H3-3A: variants seen among roughly 807,000 people sequenced by gnomAD.
H3-3A encodes H3.3 histone A.
For missense variants in H3-3A, 7 were observed against 184.0 expected (o/e 0.04, Z 5.57); for synonymous variants, 49 against 61.4 (o/e 0.80, Z 0.95).
Position 226,071,567 on chromosome 1 carries a change from A to G in H3-3A, c.*88A>G. The G allele has an allele frequency of 3.4e-6, 2 of 588,798 alleles. No homozygotes were observed. The highest frequency in any genetic ancestry group is 2.9e-6 in the Non-Finnish European group (1 of 347,864). The allele number at this position is 588,798 out of a possible 1,614,324, so 36.5% of individuals were successfully genotyped here. On this transcript the variant is annotated 3_prime_UTR_variant, in exon 4 of 4. Coordinates refer to ENST00000366815, the MANE Select transcript of H3-3A (RefSeq NM_002107.7). ...TGTTATTGGTAGTTCTGAACGTTAG[A>G]TATTTTTTTTCCATGGGGTCAAAAG...
At chr1:226,065,307 G>A (rs1304921705) in intron 2 of H3-3A, among the ~76,000 whole-genome samples, 1 of 152,090 alleles carries the variant, frequency 6.6e-6, no homozygotes, top group East Asian at 1.9e-4. Context: ...GAGGGTGTAG[G>A]GAAGGAGAGT....
At chr1:226,066,079 ATATT>A in intron 3 of H3-3A, 1 of 491,642 alleles carries the variant, frequency 2.0e-6, no homozygotes, top group South Asian at 4.0e-5. Context: ...ACTAAAAACA[ATATT>A]TAAAGAAAAT....
chr1:226,066,166 C>T, intron 3 of H3-3A: 1 of 352,310 alleles, frequency 2.8e-6, no homozygotes, highest in Non-Finnish European at 5.1e-6. Flanking sequence ...TTTGTAGTAA[C>T]AATTTCAAAC....
At chr1:226,064,552 A>G in intron 2 of H3-3A, 73 bp downstream of exon 2, 2 of 1,300,056 alleles carry the variant, frequency 1.5e-6, no homozygotes, top group Non-Finnish European at 2.1e-6. Flanking sequence ...AAAAAGATGG[A>G]TAACAGGAAA....
In H3-3A at chr1:226,071,079, C is replaced by A. The variant is rs186193442; in HGVS notation, c.283-272C>A. On this transcript the variant is annotated intron_variant, in intron 3 of 3. Transcript: ENST00000366815. ...TTCAGTTTATTAGAAATCATGTTAC[C>A]ATTAGAAAAATTGAAGTTTCCTAGT... is the stretch of plus-strand genomic sequence containing the variant. 6.1e-4 allele frequency among the ~76,000 whole-genome samples: 93 copies of A among 152,140 alleles called. 1 individual carries two copies. Among genetic ancestry groups the A allele is most frequent in the African/African-American group, 2.2e-3 (91 of 41,500 alleles).
At chr1:226,066,675 C>G (rs1329128546) in intron 3 of H3-3A, 1 of 152,222 alleles carries the variant, frequency 6.6e-6, no homozygotes, top group African/African-American at 2.4e-5. Context: ...GCTACCACCT[C>G]CATCAGAAGC....
upstream of H3-3A, chr1:226,062,139 C>G (rs1462632821): frequency 6.6e-6 from 1 of 152,038 alleles, no homozygotes; most frequent in African/African-American, 2.4e-5. Flanking sequence ...TTGCCAGCTT[C>G]CTGCTGGGGA....
chr1:226,063,002 GCCGCCTCAGCCCAACAGCAGCAA>G (rs1403433953), intron 1 of H3-3A, among the ~76,000 whole-genome samples, 191 bp downstream of exon 1: 1 of 151,768 alleles, frequency 6.6e-6, no homozygotes, highest in African/African-American at 2.4e-5. Flanking sequence ...CCCGTCTCTC[GCCGCCTCAGCCCAACAGCAGCAA>G]CCGCCGCGGC....
chr1:226,065,833 CAG>C (rs1473994936), intron 3 of H3-3A, 24 bp downstream of exon 3: 3 of 1,550,540 alleles, frequency 1.9e-6, no homozygotes, highest in East Asian at 2.3e-5. Flanking sequence ...TGGGAAGACT[CAG>C]AGTTTGTATT....
chr1:226,069,156 C>T (rs1202433804), intron 3 of H3-3A, among the ~76,000 whole-genome samples: 1 of 151,830 alleles, frequency 6.6e-6, no homozygotes, highest in African/African-American at 2.4e-5. Flanking sequence ...AAGCAATTCT[C>T]CTGTCTCAGC....
chr1:226,069,048 C>G (rs1389086418), intron 3 of H3-3A, among the ~76,000 whole-genome samples: 1 of 133,706 alleles, frequency 7.5e-6, no homozygotes, highest in Non-Finnish European at 1.6e-5. Flanking sequence ...TGTGAAAGTA[C>G]CTTTTTTTTT....
chr1:226,066,585 T>C (rs1279821967), intron 3 of H3-3A: 1 of 152,226 alleles, frequency 6.6e-6, no homozygotes, highest in African/African-American at 2.4e-5. Context: ...GTAGACGTCA[T>C]TAACATCAGT....
intron 3 of H3-3A, among the ~76,000 whole-genome samples, chr1:226,070,311 C>G (rs980741657): frequency 1.3e-5 from 2 of 151,608 alleles, no homozygotes; most frequent in Non-Finnish European, 2.9e-5. Context: ...GAAGCCCCAT[C>G]TCTACTGAAA....
chr1:226,068,597 C>T (rs961527638), intron 3 of H3-3A, among the ~76,000 whole-genome samples: 3 of 152,134 alleles, frequency 2.0e-5, no homozygotes, highest in African/African-American at 4.8e-5. Context: ...ATCTTAAGAA[C>T]GAATCTCGGA....
chr1:226,063,347 G>T (rs1451229686), intron 1 of H3-3A, among the ~76,000 whole-genome samples: 4 of 152,128 alleles, frequency 2.6e-5, no homozygotes, highest in African/African-American at 9.7e-5. Context: ...TTTCAAAAAA[G>T]CAAGAATTTT....
At chr1:226,069,313 C>T (rs1158225050) in intron 3 of H3-3A, among the ~76,000 whole-genome samples, 1 of 152,094 alleles carries the variant, frequency 6.6e-6, no homozygotes, top group African/African-American at 2.4e-5. Context: ...TCCCAAAGTG[C>T]TGGGATTACA....
intron 3 of H3-3A, among the ~76,000 whole-genome samples, chr1:226,070,499 C>A (rs970616985): frequency 7.2e-6 from 1 of 139,282 alleles, no homozygotes; most frequent in African/African-American, 2.7e-5. Context: ...AACTGCCGGG[C>A]GCGGTGGCTC....
chr1:226,069,724 G>A (rs574013622), intron 3 of H3-3A, among the ~76,000 whole-genome samples: 17 of 152,248 alleles, frequency 1.1e-4, no homozygotes, highest in African/African-American at 3.6e-4. Context: ...CCAGCTACTC[G>A]GGAGGCTGAG....
intron 3 of H3-3A, among the ~76,000 whole-genome samples, chr1:226,069,796 A>C (rs573643668): frequency 8.5e-5 from 13 of 152,158 alleles, no homozygotes; most frequent in Non-Finnish European, 1.9e-4. Context: ...ATACCACTGC[A>C]CTCCAGCCAG....
Sources: gnomAD v4.1 joint callset for allele counts (sites outside exome capture counted in the v4.1 genomes callset) on GRCh38, gnomAD v4.1.1 for gene constraint, MANE v1.5 for transcripts, NCBI Gene and HGNC (gene_info 2026-07-23, HGNC 2026-07-21) for gene names.